Variants in VSTM4 observed in about 807,000 individuals in gnomAD.
VSTM4 encodes the protein V-set and transmembrane domain-containing protein 4.
VSTM4 carries 20 observed loss-of-function variants against 36.4 expected under a neutral mutation model. The observed-to-expected ratio is 0.55, with a 90% confidence interval of 0.39 to 0.80. The LOEUF (loss-of-function observed/expected upper bound fraction) is 0.80. Ranked by LOEUF, VSTM4 falls within the 30% of genes least tolerant of loss-of-function variation. The pLI is 0.00. For missense variants in VSTM4, 392 were observed against 404.5 expected (o/e 0.97, Z 0.26); for synonymous variants, 182 against 173.9 (o/e 1.05, Z -0.37).
At chr10:49,095,725 C>G (rs1479683437) in intron 2 of VSTM4, among the ~76,000 whole-genome samples, 1 of 152,176 alleles carries the variant, frequency 6.6e-6, no homozygotes, top group Admixed American at 6.5e-5. Flanking sequence ...GTCAGCCTCA[C>G]CCCCTCGTCT....
At chr10:49,097,251 A>T (rs1446332172) in intron 2 of VSTM4, among the ~76,000 whole-genome samples, 1 of 152,204 alleles carries the variant, frequency 6.6e-6, no homozygotes, top group Non-Finnish European at 1.5e-5. Context: ...TGAAGAAGCA[A>T]GCAAGCTTAA....
intron 4 of VSTM4, among the ~76,000 whole-genome samples, chr10:49,073,191 A>T (rs942010980): frequency 2.0e-5 from 3 of 152,196 alleles, no homozygotes; most frequent in Admixed American, 6.5e-5. Context: ...ATCTACCAGC[A>T]AATCTACCTG....
rs1843891061 is a variant in VSTM4, at chr10:49,062,300, T to C, written c.668+2403A>G. ...CTTTCCATTATTCCTTCTTCCTTCC[T>C]AAGGCTCCAACATTTTTTTCTGTTT... On this transcript the variant is annotated intron_variant, in intron 5 of 7. Transcript: ENST00000332853. Among the ~76,000 whole-genome samples, 3 of 142,278 alleles carry C rather than the reference T, an allele frequency of 2.1e-5. 1 individual carries two copies. The highest frequency in any genetic ancestry group is 4.4e-4 in the South Asian group (2 of 4,572). 93.3% of individuals were successfully genotyped at this position (142,278 alleles called of 152,430 possible).
At chr10:49,031,610 A>C (rs1843347247) in intron 7 of VSTM4, among the ~76,000 whole-genome samples, 1 of 152,354 alleles carries the variant, frequency 6.6e-6, no homozygotes, top group African/African-American at 2.4e-5. Flanking sequence ...GCCAGGGCCA[A>C]ACACATCTGG....
At chr10:49,048,428 G>C (rs746832707) in intron 6 of VSTM4, 50 bp downstream of exon 6, 6 of 1,496,156 alleles carry the variant, frequency 4.0e-6, no homozygotes, top group Non-Finnish European at 5.4e-6. Flanking sequence ...AGACCCACAG[G>C]GATCAATAAT....
chr10:49,060,014 A>G (rs185635301), intron 5 of VSTM4, among the ~76,000 whole-genome samples: 79 of 152,340 alleles, frequency 5.2e-4, no homozygotes, highest in African/African-American at 1.9e-3. Context: ...GTTGGGGCTC[A>G]TCCATGCTTT....
At position 49,019,526 on chromosome 10, in the gene VSTM4, G is replaced by T; in HGVS notation, c.*124C>A. 2 of 1,375,040 alleles carry T rather than the reference G, an allele frequency of 1.5e-6. No homozygotes were observed. Among genetic ancestry groups the T allele is most frequent in the Admixed American group, 2.6e-5 (1 of 38,916 alleles). The allele number at this position is 1,375,040 out of a possible 1,614,324, so 85.2% of individuals were successfully genotyped here. A position where few individuals can be genotyped will look rare whatever the true frequency, so the allele number is the denominator to read the frequency against. On this transcript the variant is annotated 3_prime_UTR_variant, in exon 8 of 8. Coordinates refer to ENST00000332853, the MANE Select transcript of VSTM4 (RefSeq NM_001031746.5). ...CTTCAAAGGCACCCAGAATGCTGCT[G>T]AAAAGGGGCTCCCCACCACTCAGAA...
chr10:49,026,279 A>T lies in VSTM4; in HGVS notation c.838-6504T>A, dbSNP rs181728873. On this transcript the variant is annotated intron_variant, in intron 7 of 7. Coordinates refer to ENST00000332853, the MANE Select transcript of VSTM4 (RefSeq NM_001031746.5). The stretch of plus-strand genomic sequence containing the variant: ...GGGTCTACCCAGGGTCTCCAGGTTT[A>T]AGTGACTGAGAGTTGAAATTCACCC... 7.9e-4 allele frequency among the ~76,000 whole-genome samples: 120 copies of T among 152,310 alleles called. 1 individual carries two copies. The highest frequency in any genetic ancestry group is 2.7e-3 in the African/African-American group (113 of 41,574).
In VSTM4 at chr10:49,015,193, C is replaced by T. The variant is rs1843086564; in HGVS notation, c.*4457G>A. On this transcript the variant is annotated 3_prime_UTR_variant, in exon 8 of 8. Coordinates refer to ENST00000332853, the MANE Select transcript of VSTM4 (RefSeq NM_001031746.5). ...CTGGAGTGCAGCAGCACGATCTCGGCTCACTGCAAGCTCCGCCTCCCGGGT... is the reference window on the plus strand; with the variant it reads ...CTGGAGTGCAGCAGCACGATCTCGGTTCACTGCAAGCTCCGCCTCCCGGGT... 1 of 149,892 alleles carries T rather than the reference C, an allele frequency of 6.7e-6. No individual in the cohort carries two copies. The highest frequency in any genetic ancestry group is 2.5e-5 in the African/African-American group (1 of 40,450). The allele number at this position is 149,892 out of a possible 1,614,324, so 9.3% of individuals were successfully genotyped here.
At chr10:49,109,972 A>G (rs529987971) in intron 1 of VSTM4, among the ~76,000 whole-genome samples, 2 of 152,368 alleles carry the variant, frequency 1.3e-5, no homozygotes, top group South Asian at 4.1e-4. Context: ...AAGTCCACAC[A>G]GCTCCCACGG....
intron 7 of VSTM4, among the ~76,000 whole-genome samples, chr10:49,042,908 G>A (rs560566678): frequency 7.9e-5 from 12 of 152,310 alleles, no homozygotes; most frequent in Admixed American, 7.2e-4. Context: ...TGTTTGATCA[G>A]AGACCACAGG....
chr10:49,028,278 C>T (rs1054113083), intron 7 of VSTM4, among the ~76,000 whole-genome samples: 1 of 152,200 alleles, frequency 6.6e-6, no homozygotes, highest in African/African-American at 2.4e-5. Flanking sequence ...GTTTAAAATG[C>T]AGTGATGAAC....
intron 7 of VSTM4, among the ~76,000 whole-genome samples, chr10:49,044,938 A>C (rs1365015873): frequency 6.6e-6 from 1 of 152,224 alleles, no homozygotes; most frequent in African/African-American, 2.4e-5. Context: ...ACCCGTCACC[A>C]AACATTGAAA....
At chr10:49,041,241 C>T (rs2131952478) in intron 7 of VSTM4, among the ~76,000 whole-genome samples, 1 of 152,322 alleles carries the variant, frequency 6.6e-6, no homozygotes, top group Non-Finnish European at 1.5e-5. Context: ...AGAGGCCCTA[C>T]TGAGGTCAGC....
At chr10:49,080,020 T>A (rs1339433091) in intron 3 of VSTM4, among the ~76,000 whole-genome samples, 1 of 152,250 alleles carries the variant, frequency 6.6e-6, no homozygotes, top group Non-Finnish European at 1.5e-5. Flanking sequence ...TATTAATATA[T>A]CAGCAATGAT....
chr10:49,085,993 G>A lies in VSTM4; in HGVS notation c.488C>T (p.Ser163Phe). The stretch of plus-strand genomic sequence containing the variant: ...CCAAGTCTCTTTTGTTTTCTCAAAG[G>A]ATGACTCTTCAGAAGCTTTGAGGGA... ...VISLKASEES[S>F]FEKTKETWAF... The change falls in exon 3 of 8, where the codon TCC (serine) becomes TTC (phenylalanine). Residue 163 changes from serine to phenylalanine, a missense_variant. Physicochemically the swap from Ser to Phe is radical, Grantham distance 155. Transcript: ENST00000332853. 1 of 1,593,422 alleles carries A rather than the reference G, an allele frequency of 6.3e-7. No individual in the cohort carries two copies. Among genetic ancestry groups the A allele is most frequent in the Non-Finnish European group, 8.5e-7 (1 of 1,171,748 alleles).
At chr10:49,025,172 G>A (rs1200453982) in intron 7 of VSTM4, among the ~76,000 whole-genome samples, 1 of 152,150 alleles carries the variant, frequency 6.6e-6, no homozygotes, top group Non-Finnish European at 1.5e-5. Context: ...AACTGTGAGA[G>A]AATAAAGTCT....
chr10:49,044,545 GAAGA>G (rs1564571534), intron 7 of VSTM4, among the ~76,000 whole-genome samples: 2 of 150,182 alleles, frequency 1.3e-5, no homozygotes, highest in South Asian at 2.1e-4. Flanking sequence ...AGAAAGAAAG[GAAGA>G]AAGGAAGGAA....
In VSTM4 at chr10:49,097,150, C is replaced by T. The variant is rs184067405; in HGVS notation, c.457+10444G>A. Among the ~76,000 whole-genome samples the T allele has an allele frequency of 3.5e-3, 537 of 152,308 alleles. 2 individuals carry two copies. Among genetic ancestry groups the T allele is most frequent in the Middle Eastern group, 0.024 (7 of 294 alleles). On this transcript the variant is annotated intron_variant, in intron 2 of 7. Transcript: ENST00000332853. ...CGCTTTCCACGGGAACCTTAGGACA[C>T]GTGGCACTCAGGGCTACAGCTGGGG...
Sources: gnomAD v4.1 joint callset for allele counts (sites outside exome capture counted in the v4.1 genomes callset) on GRCh38, gnomAD v4.1.1 for gene constraint, MANE v1.5 for transcripts, NCBI Gene and HGNC (gene_info 2026-07-23, HGNC 2026-07-21) for gene names.